AGMO: variants seen among roughly 807,000 people sequenced by gnomAD.
AGMO encodes glyceryl-ether monooxygenase.
In AGMO, 75 loss-of-function variants were observed where a neutral mutation model predicts 60.2. That is an observed-to-expected ratio of 1.25 (90% CI 1.03 to 1.51). AGMO has a LOEUF of 1.51. Ranked by LOEUF, AGMO falls within the 40% of genes most tolerant of loss-of-function variation. The probability of loss-of-function intolerance (pLI) is 0.00; values close to 1 mark genes in which losing one functional copy is unlikely to be tolerated. For missense variants in AGMO, 763 were observed against 525.5 expected (o/e 1.45, Z -4.42); for synonymous variants, 261 against 177.1 (o/e 1.47, Z -3.76).
chr7:15,217,121 T>C (rs951415803), intron 12 of AGMO, among the ~76,000 whole-genome samples: 2 of 152,058 alleles, frequency 1.3e-5, no homozygotes, highest in South Asian at 2.1e-4. Context: ...GATGTTGCAA[T>C]TGAGCCATGA....
intron 3 of AGMO, among the ~76,000 whole-genome samples, chr7:15,479,158 C>T (rs1243206915): frequency 1.3e-5 from 2 of 152,036 alleles, no homozygotes; most frequent in African/African-American, 2.4e-5. Context: ...AAATTACGGA[C>T]ATTAAATATG....
At chr7:15,231,590 T>C (rs576347082) in intron 12 of AGMO, among the ~76,000 whole-genome samples, 22 of 152,354 alleles carry the variant, frequency 1.4e-4, no homozygotes, top group African/African-American at 4.3e-4. Context: ...TTCAATAGCT[T>C]TGCATAATGA....
chr7:15,286,446 C>T (rs1392252713), intron 12 of AGMO, among the ~76,000 whole-genome samples: 1 of 152,080 alleles, frequency 6.6e-6, no homozygotes, highest in South Asian at 2.1e-4. Flanking sequence ...AGAAGATATA[C>T]AAATGGCCAA....
intron 12 of AGMO, among the ~76,000 whole-genome samples, chr7:15,240,981 T>C (rs1782571394): frequency 6.6e-6 from 1 of 152,180 alleles, no homozygotes; most frequent in South Asian, 2.1e-4. Context: ...ATTAAACACA[T>C]TTTGTCCATT....
the AGMO span, among the ~76,000 whole-genome samples, chr7:15,142,598 T>G: frequency 6.6e-6 from 1 of 152,216 alleles, no homozygotes; most frequent in Non-Finnish European, 1.5e-5. Context: ...CTTATCCTCA[T>G]AAGCATGTTA....
the AGMO span, among the ~76,000 whole-genome samples, chr7:15,151,997 C>T: frequency 6.6e-6 from 1 of 152,098 alleles, no homozygotes; most frequent in Non-Finnish European, 1.5e-5. Flanking sequence ...GCTGAAATAT[C>T]CCAAATATTG....
At chr7:15,244,347 CTT>C (rs1410765715) in intron 12 of AGMO, among the ~76,000 whole-genome samples, 1 of 151,922 alleles carries the variant, frequency 6.6e-6, no homozygotes, top group East Asian at 1.9e-4. Flanking sequence ...CATTCTCTCC[CTT>C]TTTTTGTAAA....
intron 3 of AGMO, among the ~76,000 whole-genome samples, chr7:15,521,675 C>A (rs1418311705): frequency 6.6e-6 from 1 of 152,080 alleles, no homozygotes; most frequent in African/African-American, 2.4e-5. Context: ...ACTCAATAAA[C>A]TAGGTATTGA....
chr7:15,447,031 A>G (rs1781716768), intron 3 of AGMO, among the ~76,000 whole-genome samples: 1 of 152,228 alleles, frequency 6.6e-6, no homozygotes, highest in African/African-American at 2.4e-5. Flanking sequence ...ACACTGAGGC[A>G]CCAAACGATG....
chr7:15,142,811 T>G, the AGMO span, among the ~76,000 whole-genome samples: 1 of 152,176 alleles, frequency 6.6e-6, no homozygotes, highest in Admixed American at 6.5e-5. Flanking sequence ...CCACAATCAT[T>G]TCTGCTAATA....
intron 3 of AGMO, among the ~76,000 whole-genome samples, chr7:15,505,122 C>G (rs1329882754): frequency 6.6e-6 from 1 of 151,534 alleles, no homozygotes; most frequent in Non-Finnish European, 1.5e-5. Flanking sequence ...ATCCACGTTT[C>G]AAGTCAAATC....
chr7:15,255,221 A>G (rs534802381), intron 12 of AGMO, among the ~76,000 whole-genome samples: 20 of 152,082 alleles, frequency 1.3e-4, no homozygotes, highest in Non-Finnish European at 2.5e-4. Context: ...GAGGGGAGGG[A>G]GGTTAGGGAA....
intron 3 of AGMO, among the ~76,000 whole-genome samples, chr7:15,441,876 C>A (rs1781567696): frequency 6.6e-6 from 1 of 152,292 alleles, no homozygotes; most frequent in African/African-American, 2.4e-5. Context: ...AATCTCTCTT[C>A]ATTCCTCCCT....
intron 12 of AGMO, among the ~76,000 whole-genome samples, chr7:15,274,760 A>G (rs1171859012): frequency 6.7e-6 from 1 of 150,300 alleles, no homozygotes; most frequent in Non-Finnish European, 1.5e-5. Context: ...TGGCATATTG[A>G]GAATTTCTAA....
intron 12 of AGMO, among the ~76,000 whole-genome samples, chr7:15,354,913 A>C (rs1782462822): frequency 6.6e-6 from 1 of 152,016 alleles, no homozygotes; most frequent in South Asian, 2.1e-4. Context: ...CAAATATGTT[A>C]ATTTATAGCA....
chr7:15,221,386 C>T lies in AGMO; in HGVS notation c.1264-20027G>A, dbSNP rs138550352. On this transcript the variant is annotated intron_variant, in intron 12 of 12. Transcript: ENST00000342526. The stretch of plus-strand genomic sequence containing the variant: ...TTTTGTGAAATAACAACTTTACCTA[C>T]ATCATAATCACAGAAAGAGAGAAAA... Among the ~76,000 whole-genome samples the T allele has an allele frequency of 1.9e-4, 29 of 152,104 alleles. No homozygotes were observed. In the East Asian group the frequency reaches 5.6e-3, roughly 29 times the overall value.
At chr7:15,311,028 A>C (rs976952092) in intron 12 of AGMO, among the ~76,000 whole-genome samples, 7 of 152,156 alleles carry the variant, frequency 4.6e-5, no homozygotes, top group African/African-American at 7.2e-5. Flanking sequence ...ACAATGTAGG[A>C]TGATCTCCAC....
At chr7:15,462,205 C>T (rs1239754935) in intron 3 of AGMO, among the ~76,000 whole-genome samples, 4 of 152,158 alleles carry the variant, frequency 2.6e-5, no homozygotes, top group Admixed American at 1.3e-4. Flanking sequence ...AGTTATTCCC[C>T]GGTACCCTAA....
At chr7:15,431,150 C>T in intron 3 of AGMO, 42 bp from the exon 4 acceptor site, 2 of 1,421,684 alleles carry the variant, frequency 1.4e-6, no homozygotes, top group Non-Finnish European at 2.0e-6. Context: ...AGAATAAGAA[C>T]AAAGCAACTT....
Sources: allele counts gnomAD v4.1 joint callset (sites outside exome capture counted in the v4.1 genomes callset), GRCh38; gene constraint gnomAD v4.1.1; transcripts MANE v1.5; gene names NCBI Gene and HGNC (gene_info 2026-07-23, HGNC 2026-07-21).